The following LOXHD1 variants were observed in gnomAD, a reference collection of about 807,000 sequenced individuals.
LOXHD1 encodes the protein lipoxygenase homology domain-containing protein 1.
In LOXHD1, 205 loss-of-function variants were observed where a neutral mutation model predicts 248.2. The observed-to-expected ratio is 0.83, with a 90% CI of 0.74 to 0.93. The LOEUF (loss-of-function observed/expected upper bound fraction) is 0.93. Ranked by LOEUF, LOXHD1 falls within the 40% of genes least tolerant of loss-of-function variation. The probability of loss-of-function intolerance (pLI) is 0.00; values close to 1 mark genes in which losing one functional copy is unlikely to be tolerated. For synonymous variants in LOXHD1, 1,113 were observed against 1,162.8 expected, an observed-to-expected ratio of 0.96 and a Z score of 0.87; for missense variants, 2,930 against 2,971.6, an observed-to-expected ratio of 0.99 and a Z score of 0.33.
At chr18:46,654,677 G>T (rs185068272) in intron 1 of LOXHD1, among the ~76,000 whole-genome samples, 4 of 152,258 alleles carry the variant, frequency 2.6e-5, no homozygotes, top group Admixed American at 2.6e-4. Context: ...GACTCTCCAC[G>T]TAACACCAGA....
intron 5 of LOXHD1, among the ~76,000 whole-genome samples, chr18:46,617,791 T>C (rs983736836): frequency 7.9e-5 from 12 of 152,304 alleles, no homozygotes; most frequent in African/African-American, 2.9e-4. Flanking sequence ...CATTCTGTTC[T>C]GCCCCAAACT....
chr18:46,547,209 T>C (rs1241818910), intron 21 of LOXHD1, among the ~76,000 whole-genome samples, 151 bp from the exon 22 acceptor site: 1 of 152,156 alleles, frequency 6.6e-6, no homozygotes, highest in African/African-American at 2.4e-5. Context: ...CTACCCAGCC[T>C]GGGAATCACT....
intron 23 of LOXHD1, 73 bp downstream of exon 23, chr18:46,545,244 A>G (rs1432612054): frequency 1.8e-6 from 2 of 1,123,150 alleles, no homozygotes; most frequent in Admixed American, 4.0e-5. Flanking sequence ...TTCCCCTTGG[A>G]AATTTCTGCT....
At chr18:46,479,763 G>GAAAA (rs11366561) in intron 40 of LOXHD1, among the ~76,000 whole-genome samples, 1 of 126,000 alleles carries the variant, frequency 7.9e-6, no homozygotes. Context: ...ATTCTTAACA[G>GAAAA]AAAAAAAAAA....
chr18:46,631,916 G>A (rs912200833), intron 4 of LOXHD1, among the ~76,000 whole-genome samples: 3 of 152,138 alleles, frequency 2.0e-5, no homozygotes, highest in African/African-American at 7.2e-5. Flanking sequence ...CTTCCAACGG[G>A]TCCCTTGAAA....
intron 37 of LOXHD1, among the ~76,000 whole-genome samples, chr18:46,502,095 GC>G (rs1168749681): frequency 6.6e-6 from 1 of 152,284 alleles, no homozygotes; most frequent in East Asian, 1.9e-4. Context: ...ATTTTGAATT[GC>G]TTTGCTATTG....
chr18:46,547,103 G>A, intron 21 of LOXHD1, 45 bp from the exon 22 acceptor site: 1 of 1,550,020 alleles, frequency 6.5e-7, no homozygotes, highest in South Asian at 1.2e-5. Context: ...TCTTAGAAAG[G>A]TCTCGTCCAG....
Position 46,481,581 on chromosome 18 carries a change from G to A in LOXHD1, c.6341+2006C>T, listed in dbSNP as rs547590731. 1.2e-4 allele frequency among the ~76,000 whole-genome samples: 19 copies of A among 152,328 alleles called. 1 individual carries two copies. Among genetic ancestry groups the A allele is most frequent in the African/African-American group, 4.3e-4 (18 of 41,584 alleles). ...ATGGGTAACTGCTGGAGGCCACACA[G>A]TTGACCAGGTGACAGCGCTAGTATC... On this transcript the variant is annotated intron_variant, in intron 40 of 40. Transcript: ENST00000642948.
At chr18:46,637,528 CTT>C (rs962177860) in intron 4 of LOXHD1, among the ~76,000 whole-genome samples, 4 of 152,078 alleles carry the variant, frequency 2.6e-5, no homozygotes, top group Admixed American at 2.6e-4. Flanking sequence ...ATTAAAGATG[CTT>C]AATGTTTGTG....
chr18:46,500,981 T>A (rs908936692), intron 37 of LOXHD1, among the ~76,000 whole-genome samples: 1 of 152,170 alleles, frequency 6.6e-6, no homozygotes, highest in African/African-American at 2.4e-5. Flanking sequence ...TAGACACACA[T>A]CATTATTTAA....
chr18:46,572,018 G>T, intron 15 of LOXHD1, 68 bp downstream of exon 15: 1 of 1,359,030 alleles, frequency 7.4e-7, no homozygotes. Context: ...TTCTTGAAGG[G>T]CTTAGCTGAG....
At position 46,653,321 on chromosome 18, in the gene LOXHD1, G is replaced by C. The variant is rs150837859; in HGVS notation, c.130+3583C>G. ...CGGGAGATTTGTCGCCTCTGAGAAG[G>C]GGTGTGAAGGAGCATTCTGGGGGCT... On this transcript the variant is annotated intron_variant, in intron 1 of 40. Coordinates refer to ENST00000642948, the MANE Select transcript of LOXHD1 (RefSeq NM_001384474.1). Among the ~76,000 whole-genome samples, 47 of 152,298 alleles carry C rather than the reference G, an allele frequency of 3.1e-4. No individual in the cohort carries two copies. In the East Asian group the frequency reaches 9.1e-3, roughly 29 times the overall value.
At chr18:46,651,013 G>GTTT (rs1568235458) in intron 1 of LOXHD1, among the ~76,000 whole-genome samples, 1 of 152,234 alleles carries the variant, frequency 6.6e-6, no homozygotes, top group African/African-American at 2.4e-5. Context: ...TCAACAAATA[G>GTTT]TAACCTGGTT....
At chr18:46,634,725 A>G (rs886724135) in intron 4 of LOXHD1, among the ~76,000 whole-genome samples, 1 of 152,208 alleles carries the variant, frequency 6.6e-6, no homozygotes, top group African/African-American at 2.4e-5. Flanking sequence ...CCTGTATAAG[A>G]TTCCTGGATT....
At chr18:46,654,195 A>C (rs1183342634) in intron 1 of LOXHD1, among the ~76,000 whole-genome samples, 1 of 152,226 alleles carries the variant, frequency 6.6e-6, no homozygotes, top group Non-Finnish European at 1.5e-5. Context: ...TGGACTTCTC[A>C]GCCTCCAGAA....
intron 4 of LOXHD1, among the ~76,000 whole-genome samples, chr18:46,624,214 C>T (rs1292490996): frequency 2.0e-5 from 3 of 152,244 alleles, no homozygotes; most frequent in Admixed American, 1.3e-4. Flanking sequence ...ATGGCTCACA[C>T]CCTGACACCC....
intron 40 of LOXHD1, 84 bp from the exon 41 acceptor site, chr18:46,478,036 A>G: frequency 1.4e-6 from 2 of 1,465,184 alleles, no homozygotes; most frequent in South Asian, 1.4e-5. Context: ...CCCCTTGCTC[A>G]TCTATAAATG....
At chr18:46,654,583 G>A (rs1878059) in intron 1 of LOXHD1, among the ~76,000 whole-genome samples, 20,959 of 152,242 alleles carry the variant, frequency 0.14, 1,583 homozygotes, top group Middle Eastern at 0.22. Flanking sequence ...GGGAATCCCA[G>A]GGTAGCCAGA....
intron 33 of LOXHD1, 26 bp downstream of exon 33, chr18:46,521,071 C>T: frequency 1.3e-6 from 2 of 1,549,550 alleles, no homozygotes; most frequent in Non-Finnish European, 1.7e-6. Flanking sequence ...TGGCCATGCA[C>T]TGCACACTCA....
Sources: allele counts gnomAD v4.1 joint callset (sites outside exome capture counted in the v4.1 genomes callset), GRCh38; gene constraint gnomAD v4.1.1; transcripts MANE v1.5; gene names NCBI Gene and HGNC (gene_info 2026-07-23, HGNC 2026-07-21).